The following FGD3 variants were observed in gnomAD, a reference collection of about 807,000 sequenced individuals.
FGD3 encodes FYVE, RhoGEF and PH domain containing 3.
Under a neutral mutation model 71.8 loss-of-function variants are expected in FGD3, and 45 were observed. The ratio of observed to expected loss-of-function variants is 0.63; its 90% CI spans 0.49 to 0.80. FGD3 has a LOEUF of 0.80. FGD3 is among the 30% of genes least tolerant of loss of function. The pLI, the probability that FGD3 is intolerant of heterozygous loss-of-function variation, is 0.00. For synonymous variants in FGD3, 378 were observed against 392.8 expected (o/e 0.96, Z 0.44); for missense variants, 844 against 951.5 (o/e 0.89, Z 1.49).
chr9:92,985,027 GC>G (rs1233229507), intron 3 of FGD3, among the ~76,000 whole-genome samples: 3 of 152,224 alleles, frequency 2.0e-5, no homozygotes, highest in African/African-American at 7.2e-5. Context: ...GAGCTCTCCA[GC>G]TCAAGGCCAT....
At chr9:93,025,147 C>T (rs563928303) in intron 14 of FGD3, among the ~76,000 whole-genome samples, 107 of 152,320 alleles carry the variant, frequency 7.0e-4, no homozygotes, top group Non-Finnish European at 3.2e-4. Flanking sequence ...TGGACAGCAC[C>T]GCCTGCCCCA....
intron 3 of FGD3, 62 bp from the exon 4 acceptor site, chr9:93,002,863 G>T: frequency 6.5e-7 from 1 of 1,547,910 alleles, no homozygotes; most frequent in Non-Finnish European, 8.9e-7. Flanking sequence ...GTGGCAGCCC[G>T]TTAGGTGCCG....
intron 1 of FGD3, among the ~76,000 whole-genome samples, chr9:92,968,429 G>A (rs981985153): frequency 2.6e-5 from 4 of 151,922 alleles, no homozygotes; most frequent in African/African-American, 9.7e-5. Context: ...CAATTCAGGA[G>A]CATGTAGCAC....
At chr9:93,006,644 A>G (rs1000369135) in intron 6 of FGD3, among the ~76,000 whole-genome samples, 4 of 152,112 alleles carry the variant, frequency 2.6e-5, no homozygotes, top group Admixed American at 2.6e-4. Flanking sequence ...CTTGATTCAC[A>G]AGGCTTTTAT....
chr9:93,022,184 C>G (rs982659433), intron 13 of FGD3, 143 bp from the exon 14 acceptor site: 2 of 761,028 alleles, frequency 2.6e-6, no homozygotes, highest in African/African-American at 3.5e-5. Context: ...AGAGGCACAG[C>G]AAATCCTAGG....
At chr9:93,012,340 A>C (rs1861443802) in intron 8 of FGD3, among the ~76,000 whole-genome samples, 2 of 152,120 alleles carry the variant, frequency 1.3e-5, no homozygotes, top group South Asian at 4.1e-4. Context: ...CTCCTAAAAC[A>C]CTAAGGAGAG....
At position 93,000,030 on chromosome 9, in the gene FGD3, A is replaced by G. The variant is rs545634022; in HGVS notation, c.454-2895A>G. Among the ~76,000 whole-genome samples, 7 of 141,248 alleles carry G rather than the reference A, an allele frequency of 5.0e-5. No individual in the cohort carries two copies. In the South Asian group the frequency reaches 1.6e-3, roughly 32 times the overall value. The allele number at this position is 141,248 out of a possible 152,430, so 92.7% of individuals were successfully genotyped here. A position where few individuals can be genotyped will look rare whatever the true frequency, so the allele number is the denominator to read the frequency against. Reference sequence around the variant, plus strand: ...TGTGTCCCTCCTTTACTCTCTTACTATCTTTCTTTGTGTTTAATTGATTTT... The same window carrying G: ...TGTGTCCCTCCTTTACTCTCTTACTGTCTTTCTTTGTGTTTAATTGATTTT... On this transcript the variant is annotated intron_variant, in intron 3 of 17. Transcript: ENST00000375482.
At chr9:92,949,099 G>T (rs1483081639) in intron 1 of FGD3, among the ~76,000 whole-genome samples, 1 of 152,138 alleles carries the variant, frequency 6.6e-6, no homozygotes, top group African/African-American at 2.4e-5. Context: ...TCGTGGTACT[G>T]GCTTTTCTCT....
At chr9:92,974,628 C>T (rs1456847365) in intron 1 of FGD3, 1 of 152,284 alleles carries the variant, frequency 6.6e-6, no homozygotes, top group Non-Finnish European at 1.5e-5. Context: ...AGGGCAGGCT[C>T]AAGGCAGCCA....
intron 1 of FGD3, among the ~76,000 whole-genome samples, chr9:92,971,561 C>CTT (rs1318618124): frequency 7.9e-5 from 5 of 63,246 alleles, no homozygotes; most frequent in African/African-American, 1.3e-4. Context: ...CTTTTCTTTT[C>CTT]TTTTCTTTTT....
chr9:93,015,503 G>C (rs1861640421), intron 9 of FGD3: 1 of 395,420 alleles, frequency 2.5e-6, no homozygotes, highest in Non-Finnish European at 4.5e-6. Context: ...ATTAGCTCAT[G>C]TTCATGGTTT....
intron 3 of FGD3, among the ~76,000 whole-genome samples, chr9:92,999,520 A>T (rs979698838): frequency 3.3e-5 from 5 of 150,944 alleles, no homozygotes; most frequent in Admixed American, 3.3e-4. Flanking sequence ...TGCAGAAATC[A>T]TCCGTCTAAT....
chr9:92,995,818 A>C (rs1002331860), intron 3 of FGD3, among the ~76,000 whole-genome samples: 3 of 152,172 alleles, frequency 2.0e-5, no homozygotes, highest in African/African-American at 7.2e-5. Flanking sequence ...CATCCCAGGG[A>C]TGAGGCCAAC....
rs912949868 is a variant in FGD3 at position 92,976,624 on chromosome 9, A to T, written c.368A>T (p.Gln123Leu). 1.2e-6 allele frequency: 2 copies of T among 1,612,872 alleles called. No homozygotes were observed. The highest frequency in any genetic ancestry group is 1.7e-6 in the Non-Finnish European group (2 of 1,179,898). The change falls in exon 3 of 18, where the codon CAG becomes CTG. Residue 123 changes from glutamine to leucine, a missense_variant. Gln to Leu is a moderately radical substitution (Grantham distance 113, BLOSUM62 -2). Transcript: ENST00000375482. ...AGCCAGGTCCCGAAGGTCACCCCCC[A>T]GGAGGAGGCGGACAGCGACGTGGGT... ...LDSQVPKVTP[Q>L]EEADSDVGEE...
intron 1 of FGD3, among the ~76,000 whole-genome samples, chr9:92,954,946 A>G (rs1011350546): frequency 3.9e-5 from 6 of 152,194 alleles, no homozygotes; most frequent in African/African-American, 1.4e-4. Context: ...GCCTGCATTC[A>G]TGGAACTCAC....
chr9:93,014,907 A>G (rs1861605070), intron 9 of FGD3, among the ~76,000 whole-genome samples: 1 of 151,656 alleles, frequency 6.6e-6, no homozygotes, highest in African/African-American at 2.4e-5. Context: ...TGCTGGGATT[A>G]CAGGCGTGAG....
chr9:93,007,846 T>C (rs1287043733), intron 6 of FGD3, among the ~76,000 whole-genome samples: 1 of 152,122 alleles, frequency 6.6e-6, no homozygotes, highest in Admixed American at 6.6e-5. Context: ...ACCCAGCATC[T>C]GGTGGGTGGG....
intron 3 of FGD3, among the ~76,000 whole-genome samples, chr9:92,990,541 A>C (rs962910909): frequency 2.6e-5 from 4 of 152,168 alleles, no homozygotes; most frequent in Non-Finnish European, 5.9e-5. Context: ...ATTCAGTAAG[A>C]TGTTAGCTGT....
At chr9:92,970,787 A>G (rs1859500303) in intron 1 of FGD3, among the ~76,000 whole-genome samples, 1 of 152,182 alleles carries the variant, frequency 6.6e-6, no homozygotes, top group African/African-American at 2.4e-5. Flanking sequence ...GTATGTGCAC[A>G]TGTGCGTTTG....
Sources: gnomAD v4.1 joint callset for allele counts (sites outside exome capture counted in the v4.1 genomes callset) on GRCh38, gnomAD v4.1.1 for gene constraint, MANE v1.5 for transcripts, NCBI Gene and HGNC (gene_info 2026-07-23, HGNC 2026-07-21) for gene names.